SLC36A1: variants seen among roughly 807,000 people sequenced by gnomAD.
The protein encoded by SLC36A1 is proton-coupled amino acid transporter 1.
Under a neutral mutation model 47.5 loss-of-function variants are expected in SLC36A1, and 30 were observed. That is an observed-to-expected ratio of 0.63 (90% confidence interval 0.47 to 0.86). The LOEUF (loss-of-function observed/expected upper bound fraction) is 0.86. SLC36A1 is among the 40% of genes least tolerant of loss of function. The probability of loss-of-function intolerance (pLI) is 0.00; values close to 1 mark genes in which losing one functional copy is unlikely to be tolerated. For missense variants in SLC36A1, 517 were observed against 606.0 expected (o/e 0.85, Z 1.54); for synonymous variants, 255 against 249.7 (o/e 1.02, Z -0.20).
At chr5:151,540,888 A>ATGTT in the SLC36A1 span, 1 of 793,828 alleles carries the variant, frequency 1.3e-6, no homozygotes, top group East Asian at 2.9e-5. Flanking sequence ...TTCCTTCCTT[A>ATGTT]ACTAGGAACC....
chr5:151,381,930 T>G, the SLC36A1 span: 2 of 373,510 alleles, frequency 5.4e-6, no homozygotes, highest in Admixed American at 8.9e-5. Context: ...TCCCTTGTCT[T>G]GATGAATCTG....
chr5:151,382,568 G>T, the SLC36A1 span, among the ~76,000 whole-genome samples: 3 of 152,222 alleles, frequency 2.0e-5, no homozygotes, highest in African/African-American at 7.2e-5. Flanking sequence ...GGAAAGATGT[G>T]CTGGAGACTC....
chr5:151,428,419 AC>A, the SLC36A1 span, among the ~76,000 whole-genome samples: 1 of 151,966 alleles, frequency 6.6e-6, no homozygotes, highest in Non-Finnish European at 1.5e-5. Flanking sequence ...CTAGCTCCCA[AC>A]TCATTCCCCT....
intron 9 of SLC36A1, among the ~76,000 whole-genome samples, chr5:151,478,040 AC>A (rs1758314863): frequency 6.6e-6 from 1 of 152,216 alleles, no homozygotes; most frequent in Non-Finnish European, 1.5e-5. Flanking sequence ...TGATAGAGCC[AC>A]CAGATGATTT....
At chr5:151,361,348 C>G in the SLC36A1 span, among the ~76,000 whole-genome samples, 1 of 152,154 alleles carries the variant, frequency 6.6e-6, no homozygotes, top group Non-Finnish European at 1.5e-5. Context: ...ACATTGTATT[C>G]TTTATTGAGC....
At chr5:151,507,365 C>T in the SLC36A1 span, 1 of 1,614,194 alleles carries the variant, frequency 6.2e-7, no homozygotes, top group Non-Finnish European at 8.5e-7. Flanking sequence ...ATGGGTTGAG[C>T]TCGATGGCAG....
chr5:151,525,879 T>G, the SLC36A1 span: 2 of 1,614,150 alleles, frequency 1.2e-6, no homozygotes, highest in East Asian at 4.5e-5. Flanking sequence ...CCTTGGTGAT[T>G]CGAAACGAGT....
chr5:151,547,302 A>C, the SLC36A1 span, among the ~76,000 whole-genome samples: 1 of 152,210 alleles, frequency 6.6e-6, no homozygotes, highest in Non-Finnish European at 1.5e-5. Flanking sequence ...AGAAGACTAA[A>C]AGACATTCTA....
At chr5:151,447,577 T>A (rs937069196), upstream of SLC36A1, 1 of 152,342 alleles carries the variant, frequency 6.6e-6, no homozygotes, top group African/African-American at 2.4e-5. Context: ...CCTCGGCCTC[T>A]GGCGTGGGCG....
chr5:151,416,583 C>T, the SLC36A1 span, among the ~76,000 whole-genome samples: 1 of 152,070 alleles, frequency 6.6e-6, no homozygotes, highest in Non-Finnish European at 1.5e-5. Flanking sequence ...CTGTTGCCAC[C>T]TAATAACTAA....
chr5:151,530,603 A>G, the SLC36A1 span, among the ~76,000 whole-genome samples: 1 of 152,258 alleles, frequency 6.6e-6, no homozygotes, highest in South Asian at 2.1e-4. Context: ...TGGGGATACT[A>G]ACAAACCAGT....
chr5:151,377,347 CTTTTTTTTTTT>C, the SLC36A1 span, among the ~76,000 whole-genome samples: 11 of 120,306 alleles, frequency 9.1e-5, no homozygotes, highest in Admixed American at 9.2e-4. Context: ...CTGTCTCTTT[CTTTTTTTTTTT>C]TTTTTTTTGA....
the SLC36A1 span, chr5:151,511,908 C>A: frequency 1.9e-6 from 1 of 524,596 alleles, no homozygotes; most frequent in East Asian, 3.3e-5. Flanking sequence ...TAATTCAACC[C>A]TCTGCCCCTG....
At chr5:151,481,641 T>A (rs1171494168) in intron 10 of SLC36A1, among the ~76,000 whole-genome samples, 1 of 148,796 alleles carries the variant, frequency 6.7e-6, no homozygotes, top group East Asian at 1.9e-4. Flanking sequence ...TGTAGTTTCT[T>A]TTTTTTTTTC....
chr5:151,533,549 C>T, the SLC36A1 span, among the ~76,000 whole-genome samples: 1 of 152,066 alleles, frequency 6.6e-6, no homozygotes, highest in East Asian at 1.9e-4. Flanking sequence ...CTCACTTTCT[C>T]TAGGAAATCT....
At chr5:151,467,608 C>A in intron 6 of SLC36A1, 99 bp from the exon 7 acceptor site, 1 of 1,007,770 alleles carries the variant, frequency 9.9e-7, no homozygotes, top group Non-Finnish European at 1.5e-6. Flanking sequence ...GCCTTGTTCA[C>A]ACACCTGAGC....
chr5:151,440,782 GA>G (rs1217590746), intron 1 of SLC36A1, among the ~76,000 whole-genome samples: 2 of 152,128 alleles, frequency 1.3e-5, no homozygotes, highest in African/African-American at 4.8e-5. Flanking sequence ...AAACCAAATG[GA>G]GATCAAAAGT....
the SLC36A1 span, chr5:151,528,153 T>A: frequency 1.1e-5 from 18 of 1,611,454 alleles, no homozygotes; most frequent in Admixed American, 1.7e-5. Context: ...GGTAGGGGGA[T>A]TGTGAATGGA....
intron 7 of SLC36A1, among the ~76,000 whole-genome samples, chr5:151,473,152 G>A (rs1005598435): frequency 1.3e-5 from 2 of 151,814 alleles, no homozygotes; most frequent in African/African-American, 2.4e-5. Context: ...GCCAGCCTGG[G>A]TGACAGAAGG....
Sources: gnomAD v4.1 joint callset for allele counts (sites outside exome capture counted in the v4.1 genomes callset) on GRCh38, gnomAD v4.1.1 for gene constraint, MANE v1.5 for transcripts, NCBI Gene and HGNC (gene_info 2026-07-23, HGNC 2026-07-21) for gene names.